Variants in BCL2L13 observed in about 807,000 individuals in gnomAD.
BCL2L13 encodes the protein bcl-2-like protein 13.
Under a neutral mutation model 25.8 loss-of-function variants are expected in BCL2L13, and 13 were observed. The observed-to-expected ratio is 0.50, with a 90% CI of 0.33 to 0.80. BCL2L13 has a LOEUF of 0.80. Among genes scored for constraint, BCL2L13 ranks in the 30% least tolerant of loss-of-function variants. The pLI is 0.02. For synonymous variants in BCL2L13, 244 were observed against 230.3 expected (o/e 1.06, Z -0.54); for missense variants, 504 against 574.9 (o/e 0.88, Z 1.26).
chr22:17,633,458 T>A (rs1020050869), intron 1 of BCL2L13, among the ~76,000 whole-genome samples: 1 of 152,200 alleles, frequency 6.6e-6, no homozygotes, highest in Admixed American at 6.5e-5. Context: ...TAAAACATAT[T>A]TTCAGACAAG....
chr22:17,703,220 T>G (rs959757141), intron 6 of BCL2L13: 1 of 152,132 alleles, frequency 6.6e-6, no homozygotes, highest in Non-Finnish European at 1.5e-5. Flanking sequence ...CATGTATATT[T>G]TTATGTATGT....
At chr22:17,664,273 C>T (rs532452766) in intron 2 of BCL2L13, among the ~76,000 whole-genome samples, 2 of 152,328 alleles carry the variant, frequency 1.3e-5, no homozygotes, top group East Asian at 3.9e-4. Flanking sequence ...GTGTGAGCCA[C>T]CGTGCCCAGC....
At chr22:17,679,317 T>C (rs1270300775) in intron 2 of BCL2L13, among the ~76,000 whole-genome samples, 1 of 134,434 alleles carries the variant, frequency 7.4e-6, no homozygotes, top group Non-Finnish European at 1.5e-5. Context: ...TGGCCCAGGC[T>C]GGAGTGCAAT....
intron 1 of BCL2L13, among the ~76,000 whole-genome samples, chr22:17,632,848 G>A (rs929938304): frequency 6.6e-6 from 1 of 151,306 alleles, no homozygotes; most frequent in Non-Finnish European, 1.5e-5. Context: ...CTGCCTCCCG[G>A]GTTCAAGCAA....
intron 6 of BCL2L13, among the ~76,000 whole-genome samples, chr22:17,721,118 C>T (rs897252348): frequency 8.6e-5 from 13 of 151,662 alleles, no homozygotes; most frequent in African/African-American, 2.7e-4. Context: ...TACAGTGAGC[C>T]GAGATCGTGC....
rs566995129 is a variant in BCL2L13 at position 17,669,866 on chromosome 22, C to T, written c.122-13348C>T. On this transcript the variant is annotated intron_variant, in intron 2 of 6. Transcript: ENST00000317582. ...CTCTGTTTGAGGTCAAAGGCAGCCCCTCAACCTTGGACTTCTCAGCCTCCA... is the reference window on the plus strand; with the variant it reads ...CTCTGTTTGAGGTCAAAGGCAGCCCTTCAACCTTGGACTTCTCAGCCTCCA... 1.2e-4 allele frequency among the ~76,000 whole-genome samples: 18 copies of T among 152,260 alleles called. No individual in the cohort carries two copies. The South Asian group carries it at 3.7e-3, about 32-fold the overall frequency.
rs890631679 is a variant in BCL2L13 at position 17,656,335 on chromosome 22, C to CTTTTTTTTTTTTTTT, written c.121+522_121+536dup. 1.5e-3 allele frequency among the ~76,000 whole-genome samples: 89 copies of CTTTTTTTTTTTTTTT among 57,880 alleles called. 18 individuals are homozygous for CTTTTTTTTTTTTTTT. Among genetic ancestry groups the CTTTTTTTTTTTTTTT allele is most frequent in the African/African-American group, 6.2e-3 (73 of 11,814 alleles). 38.0% of individuals were successfully genotyped at this position (57,880 alleles called of 152,430 possible). A position where few individuals can be genotyped will look rare whatever the true frequency, so the allele number is the denominator to read the frequency against. On this transcript the variant is annotated intron_variant, in intron 2 of 6. Coordinates refer to ENST00000317582, the MANE Select transcript of BCL2L13 (RefSeq NM_015367.4). ...CAAAAGTATTTTTTTTCATTTTATT[C>CTTTTTTTTTTTTTTT]TTTTTTTTTTTTTTTTTTTTTTTTT...
intron 1 of BCL2L13, among the ~76,000 whole-genome samples, chr22:17,651,786 G>C (rs907473532): frequency 6.6e-6 from 1 of 151,956 alleles, no homozygotes; most frequent in Non-Finnish European, 1.5e-5. Flanking sequence ...CGCCTCCCGG[G>C]TTCAAGTGAT....
chr22:17,709,395 G>C (rs1230128225), intron 6 of BCL2L13, among the ~76,000 whole-genome samples: 3 of 152,068 alleles, frequency 2.0e-5, no homozygotes, highest in Non-Finnish European at 4.4e-5. Context: ...CGGAGTTCGA[G>C]ACCAGCCTGG....
intron 2 of BCL2L13, among the ~76,000 whole-genome samples, chr22:17,657,640 T>C (rs1483417548): frequency 6.6e-6 from 1 of 151,826 alleles, no homozygotes; most frequent in Non-Finnish European, 1.5e-5. Context: ...GCCTTCCGAG[T>C]AGCTGGGACT....
intron 1 of BCL2L13, among the ~76,000 whole-genome samples, chr22:17,641,669 C>T (rs999822609): frequency 6.6e-6 from 1 of 152,184 alleles, no homozygotes; most frequent in South Asian, 2.1e-4. Context: ...AAGAGACTCC[C>T]ATACCCATTA....
intron 1 of BCL2L13, among the ~76,000 whole-genome samples, chr22:17,641,631 C>T (rs1338212118): frequency 6.6e-6 from 1 of 152,036 alleles, no homozygotes; most frequent in Non-Finnish European, 1.5e-5. Flanking sequence ...TGTGCACCCA[C>T]CACCACAATC....
At chr22:17,712,305 C>T (rs191441630) in intron 6 of BCL2L13, among the ~76,000 whole-genome samples, 230 of 152,266 alleles carry the variant, frequency 1.5e-3, no homozygotes, top group African/African-American at 5.3e-3. Flanking sequence ...TTTAATCCTC[C>T]ACAATGCCTC....
chr22:17,643,994 C>G (rs909784827), intron 1 of BCL2L13, among the ~76,000 whole-genome samples: 3 of 150,946 alleles, frequency 2.0e-5, no homozygotes, highest in Non-Finnish European at 4.4e-5. Context: ...CTGCAAACTC[C>G]GCTTCCTGGG....
chr22:17,662,578 T>G (rs2059108048), intron 2 of BCL2L13, among the ~76,000 whole-genome samples: 1 of 152,154 alleles, frequency 6.6e-6, no homozygotes, highest in Admixed American at 6.6e-5. Flanking sequence ...TCCCAACACT[T>G]TAGGAGGCCG....
chr22:17,711,360 C>T (rs974414466), intron 6 of BCL2L13, among the ~76,000 whole-genome samples: 2 of 139,644 alleles, frequency 1.4e-5, no homozygotes, highest in African/African-American at 5.6e-5. Context: ...CGCAGTGGCA[C>T]AATCTCGGCT....
chr22:17,638,602 G>T, upstream of BCL2L13: 1 of 1,077,628 alleles, frequency 9.3e-7, no homozygotes. Context: ...ATTTGGGCGG[G>T]CTAGGAGGGT....
chr22:17,640,764 G>C (rs2058247382), intron 1 of BCL2L13, among the ~76,000 whole-genome samples: 1 of 151,804 alleles, frequency 6.6e-6, no homozygotes, highest in Admixed American at 6.6e-5. Context: ...GCGAGAGGGA[G>C]GACTGCTTGA....
At chr22:17,711,728 C>T (rs894903822) in intron 6 of BCL2L13, among the ~76,000 whole-genome samples, 14 of 152,308 alleles carry the variant, frequency 9.2e-5, no homozygotes, top group African/African-American at 3.4e-4. Flanking sequence ...TAATCAGTTA[C>T]TGCTATTAGA....
Sources: allele counts gnomAD v4.1 joint callset (sites outside exome capture counted in the v4.1 genomes callset), GRCh38; gene constraint gnomAD v4.1.1; transcripts MANE v1.5; gene names NCBI Gene and HGNC (gene_info 2026-07-23, HGNC 2026-07-21).